The following PDE1C variants were observed in gnomAD, a reference collection of about 807,000 sequenced individuals.
PDE1C encodes the protein phosphodiesterase 1C, also known as dual specificity calcium/calmodulin-dependent 3',5'-cyclic nucleotide phosphodiesterase 1C.
A neutral mutation model predicts 93.1 loss-of-function variants in PDE1C; 62 were observed. The observed-to-expected ratio is 0.67, with a 90% confidence interval of 0.54 to 0.82. The LOEUF is 0.82. Among genes scored for constraint, PDE1C ranks in the 40% least tolerant of loss-of-function variants. The pLI is 0.00. For synonymous variants in PDE1C, 325 were observed against 310.1 expected (o/e 1.05, Z -0.50); for missense variants, 742 against 884.6 (o/e 0.84, Z 2.04).
chr7:31,673,751 C>T, the PDE1C span, among the ~76,000 whole-genome samples: 1 of 151,336 alleles, frequency 6.6e-6, no homozygotes, highest in African/African-American at 2.4e-5. Context: ...TCAGTTGTCT[C>T]AACATCACTG....
At chr7:32,233,744 A>G (rs75885869) in intron 1 of PDE1C, among the ~76,000 whole-genome samples, 6,697 of 152,208 alleles carry the variant, frequency 0.044, 538 homozygotes, top group African/African-American at 0.15. Context: ...GGAGACTTCA[A>G]CAGTTATCTC....
intron 1 of PDE1C, among the ~76,000 whole-genome samples, chr7:32,247,694 T>A (rs1809068953): frequency 6.6e-6 from 1 of 152,234 alleles, no homozygotes. Flanking sequence ...CATGAGATAC[T>A]CAACACTGTT....
intron 2 of PDE1C, among the ~76,000 whole-genome samples, chr7:31,952,082 G>C (rs551716579): frequency 3.1e-4 from 47 of 152,192 alleles, no homozygotes; most frequent in African/African-American, 1.1e-3. Flanking sequence ...GGAAAATTGA[G>C]ACTCAGTAAT....
chr7:32,012,575 C>G (rs1787288635), intron 2 of PDE1C, among the ~76,000 whole-genome samples: 1 of 152,082 alleles, frequency 6.6e-6, no homozygotes, highest in African/African-American at 2.4e-5. Flanking sequence ...ATTGACAGTG[C>G]TGGAAAGCAG....
chr7:31,838,052 T>A lies in PDE1C; in HGVS notation c.981-81A>T. The A allele has an allele frequency of 3.4e-6, 3 of 874,580 alleles. No individual in the cohort carries two copies. In the South Asian group the frequency reaches 4.3e-5, roughly 12 times the overall value. 54.2% of individuals were successfully genotyped at this position (874,580 alleles called of 1,614,324 possible). A position where few individuals can be genotyped will look rare whatever the true frequency, so the allele number is the denominator to read the frequency against. On this transcript the variant is annotated intron_variant, in intron 9 of 17. Coordinates refer to ENST00000396191, the MANE Select transcript of PDE1C (RefSeq NM_001191057.4). The stretch of plus-strand genomic sequence containing the variant: ...ATCAGTGTTTTTTTTTTGCCACTGC[T>A]AATGAAAATCAGTCAACGATTTCTG...
chr7:31,716,710 T>A, the PDE1C span, among the ~76,000 whole-genome samples: 1 of 152,182 alleles, frequency 6.6e-6, no homozygotes, highest in African/African-American at 2.4e-5. Context: ...TAAACCCATA[T>A]GGCATTTTAT....
chr7:31,639,069 G>A, the PDE1C span, among the ~76,000 whole-genome samples: 6 of 152,114 alleles, frequency 3.9e-5, no homozygotes, highest in East Asian at 1.9e-4. Flanking sequence ...GAGCCACTGC[G>A]CCCAGCCAGT....
rs1563352881 is a variant in PDE1C, at chr7:32,147,308, G to GAAAGAAA, written c.308+22470_308+22476dup. Among the ~76,000 whole-genome samples, 102 of 146,272 alleles carry GAAAGAAA rather than the reference G, an allele frequency of 7.0e-4. No individual in the cohort carries two copies. In the Middle Eastern group the frequency reaches 0.011, roughly 15 times the overall value. On this transcript the variant is annotated intron_variant, in intron 3 of 18. Transcript: ENST00000396193. ...AGAAAGAAAGAAAGAAAGAAAGAAA[G>GAAAGAAA]AAAGAAAGAAAGAAAGAAAGAAAGA...
chr7:32,247,637 A>T (rs760617461), intron 1 of PDE1C, among the ~76,000 whole-genome samples: 2 of 152,226 alleles, frequency 1.3e-5, no homozygotes, highest in Non-Finnish European at 2.9e-5. Context: ...TCAAGTACCC[A>T]TATAATCATT....
intron 1 of PDE1C, among the ~76,000 whole-genome samples, chr7:32,319,555 G>A (rs1783245018): frequency 6.6e-6 from 1 of 152,218 alleles, no homozygotes; most frequent in South Asian, 2.1e-4. Flanking sequence ...GTCTAGGGGA[G>A]GCAAAACGGG....
At chr7:31,742,831 C>A in the PDE1C span, among the ~76,000 whole-genome samples, 4 of 152,194 alleles carry the variant, frequency 2.6e-5, no homozygotes, top group African/African-American at 9.6e-5. Context: ...ATAAACTCTG[C>A]AAATGCAAAA....
chr7:31,640,643 T>A, the PDE1C span, among the ~76,000 whole-genome samples: 180 of 72,094 alleles, frequency 2.5e-3, no homozygotes, highest in Non-Finnish European at 5.4e-3. Context: ...CTCGAAAAAC[T>A]TTTTTTTTTT....
At chr7:32,085,682 T>C (rs1160961286) in intron 3 of PDE1C, among the ~76,000 whole-genome samples, 53 of 150,606 alleles carry the variant, frequency 3.5e-4, no homozygotes, top group African/African-American at 1.2e-3. Context: ...ATCCCTGGGA[T>C]GCAAGGCTGG....
rs185303570 is a variant in PDE1C at position 32,254,106 on chromosome 7, A to G, written c.85+44545T>C. Among the ~76,000 whole-genome samples the G allele has an allele frequency of 7.2e-5, 11 of 152,376 alleles. No individual in the cohort carries two copies. In the East Asian group the frequency reaches 1.9e-3, roughly 27 times the overall value. On this transcript the variant is annotated intron_variant, in intron 1 of 18. Coordinates refer to the PDE1C transcript ENST00000396193. ...AATGAAATGAGGCGATACGGGGCGT[A>G]TCAGAGGATCTGGACTGGGCTAGAC...
chr7:31,928,019 A>G (rs1186687598), intron 2 of PDE1C, among the ~76,000 whole-genome samples: 2 of 152,084 alleles, frequency 1.3e-5, no homozygotes, highest in Non-Finnish European at 2.9e-5. Flanking sequence ...TTCTAACCCA[A>G]TGCAAGGAAG....
chr7:31,730,747 A>G, the PDE1C span, among the ~76,000 whole-genome samples: 1 of 152,074 alleles, frequency 6.6e-6, no homozygotes, highest in African/African-American at 2.4e-5. Flanking sequence ...AATAAATGCA[A>G]CCATGGCTAT....
chr7:32,084,754 T>C (rs1796957359), intron 3 of PDE1C, among the ~76,000 whole-genome samples: 1 of 126,136 alleles, frequency 7.9e-6, no homozygotes, highest in African/African-American at 2.8e-5. Flanking sequence ...GAATGACTAC[T>C]GGGTACACAA....
At chr7:31,651,862 A>G in the PDE1C span, 1 of 963,412 alleles carries the variant, frequency 1.0e-6, no homozygotes, top group Non-Finnish European at 1.6e-6. Flanking sequence ...GGAAGAACCT[A>G]TATTATGAGG....
chr7:31,939,933 T>A (rs549845675), intron 2 of PDE1C, among the ~76,000 whole-genome samples: 36 of 151,798 alleles, frequency 2.4e-4, no homozygotes, highest in Non-Finnish European at 4.6e-4. Flanking sequence ...GGAGAAAGAG[T>A]GAGTATCCAC....
Sources: allele counts gnomAD v4.1 joint callset (sites outside exome capture counted in the v4.1 genomes callset), GRCh38; gene constraint gnomAD v4.1.1; transcripts MANE v1.5; gene names NCBI Gene and HGNC (gene_info 2026-07-23, HGNC 2026-07-21).